Variants in PAWR observed in about 807,000 individuals in gnomAD.
PAWR encodes the protein pro-apoptotic WT1 regulator, also known as PRKC apoptosis WT1 regulator protein.
PAWR carries 23 observed loss-of-function variants against 32.0 expected under a neutral mutation model. That is an observed-to-expected ratio of 0.72 (90% confidence interval 0.52 to 1.02). PAWR has a LOEUF of 1.02. Ranked by LOEUF, PAWR falls within the 50% of genes least tolerant of loss-of-function variation. The pLI is 0.00. For synonymous variants in PAWR, 226 were observed against 187.1 expected (o/e 1.21, Z -1.70); for missense variants, 457 against 437.7 (o/e 1.04, Z -0.39).
intron 2 of PAWR, among the ~76,000 whole-genome samples, chr12:79,652,926 C>T (rs988094683): frequency 6.6e-6 from 1 of 152,192 alleles, no homozygotes; most frequent in Non-Finnish European, 1.5e-5. Flanking sequence ...TATTTATGGT[C>T]ATAGCTTTAT....
intron 2 of PAWR, among the ~76,000 whole-genome samples, chr12:79,676,943 C>T (rs1878198993): frequency 6.6e-6 from 1 of 152,202 alleles, no homozygotes; most frequent in South Asian, 2.1e-4. Context: ...AATATCTGTA[C>T]TAAGAGTATG....
chr12:79,641,180 A>G (rs1465019405), intron 2 of PAWR, among the ~76,000 whole-genome samples: 1 of 152,230 alleles, frequency 6.6e-6, no homozygotes, highest in Non-Finnish European at 1.5e-5. Flanking sequence ...ATGTTTAAGA[A>G]AAAACACTAT....
At chr12:79,629,877 A>C (rs1875523570) in intron 2 of PAWR, among the ~76,000 whole-genome samples, 1 of 152,188 alleles carries the variant, frequency 6.6e-6, no homozygotes, top group Non-Finnish European at 1.5e-5. Flanking sequence ...TTAATTCACA[A>C]ATAATCACGT....
At position 79,598,568 on chromosome 12, in the gene PAWR, C is replaced by CATCTATGAATTTCTT; in HGVS notation, c.684-1925_684-1911dup. Among the ~76,000 whole-genome samples the CATCTATGAATTTCTT allele has an allele frequency of 2.6e-5, 4 of 152,272 alleles. 1 individual carries two copies. The highest frequency in any genetic ancestry group is 2.6e-4 in the Admixed American group (4 of 15,298). ...CTTCTCGTTTTAAAAATTGATTCCT[C>CATCTATGAATTTCTT]ATCTATGAATTTCTTACCTATGAAT... is the stretch of plus-strand genomic sequence containing the variant. On this transcript the variant is annotated intron_variant, in intron 4 of 6. Coordinates refer to ENST00000328827, the MANE Select transcript of PAWR (RefSeq NM_002583.4).
At chr12:79,624,611 A>G (rs1478726872) in intron 2 of PAWR, among the ~76,000 whole-genome samples, 1 of 152,164 alleles carries the variant, frequency 6.6e-6, no homozygotes, top group Non-Finnish European at 1.5e-5. Context: ...TCTGCTAGCA[A>G]CCAGTGCAGT....
At chr12:79,634,475 T>G (rs1327551295) in intron 2 of PAWR, among the ~76,000 whole-genome samples, 4 of 152,050 alleles carry the variant, frequency 2.6e-5, no homozygotes, top group Non-Finnish European at 5.9e-5. Context: ...GTACACACAA[T>G]GTACATTCAG....
intron 2 of PAWR, among the ~76,000 whole-genome samples, chr12:79,670,065 C>T (rs374486588): frequency 6.6e-6 from 1 of 151,970 alleles, no homozygotes; most frequent in Non-Finnish European, 1.5e-5. Context: ...TATGGGTATA[C>T]AAAATGCTAA....
Position 79,592,068 on chromosome 12 carries a change from T to C in PAWR, c.*539A>G, listed in dbSNP as rs540797955. ...AACATGACAGTGACTTTATAAGAGC[T>C]TTCCTTTTAAAAGGTTGCTGTTATA... On this transcript the variant is annotated 3_prime_UTR_variant, in exon 7 of 7. Coordinates refer to ENST00000328827, the MANE Select transcript of PAWR (RefSeq NM_002583.4). 8.5e-5 allele frequency: 13 copies of C among 152,758 alleles called. No homozygotes were observed. The highest frequency in any genetic ancestry group is 3.1e-4 in the African/African-American group (13 of 41,592). The allele number at this position is 152,758 out of a possible 1,614,324, so 9.5% of individuals were successfully genotyped here.
chr12:79,616,463 G>A (rs1051937152), intron 3 of PAWR, among the ~76,000 whole-genome samples: 8 of 152,088 alleles, frequency 5.3e-5, no homozygotes, highest in Admixed American at 1.3e-4. Flanking sequence ...CTATTTCTGA[G>A]GCTTGAAATA....
At position 79,591,298 on chromosome 12, in the gene PAWR, G is replaced by C. The variant is rs1461494962; in HGVS notation, c.*1309C>G. On this transcript the variant is annotated 3_prime_UTR_variant, in exon 7 of 7. Coordinates refer to ENST00000328827, the MANE Select transcript of PAWR (RefSeq NM_002583.4). ...TCACCTTCTCTATTTTTCTAACAGT[G>C]AACAATAAAAGGGCTTGGCAAGTGA... is the stretch of plus-strand genomic sequence containing the variant. 3 of 152,068 alleles carry C rather than the reference G, an allele frequency of 2.0e-5. No homozygotes were observed. Among genetic ancestry groups the C allele is most frequent in the African/African-American group, 7.2e-5 (3 of 41,396 alleles). 9.4% of individuals were successfully genotyped at this position (152,068 alleles called of 1,614,324 possible). A position where few individuals can be genotyped will look rare whatever the true frequency, so the allele number is the denominator to read the frequency against.
chr12:79,649,380 C>A (rs2049590), intron 2 of PAWR, among the ~76,000 whole-genome samples: 34,870 of 151,764 alleles, frequency 0.23, 10,802 homozygotes, highest in African/African-American at 0.71. Context: ...CCATAGGTCA[C>A]TAGATACAAA....
At position 79,670,099 on chromosome 12, in the gene PAWR, G is replaced by GA. The variant is rs1382775700; in HGVS notation, c.516+19629dup. ...AAAAATAGGTGGATGTTTGAAACAG[G>GA]AAAAAAAATTAAGTTGTTAATCACA... On this transcript the variant is annotated intron_variant, in intron 2 of 6. Coordinates refer to ENST00000328827, the MANE Select transcript of PAWR (RefSeq NM_002583.4). Among the ~76,000 whole-genome samples the GA allele has an allele frequency of 2.0e-5, 3 of 151,994 alleles. No homozygotes were observed. The South Asian group carries it at 6.2e-4, about 32-fold the overall frequency.
intron 4 of PAWR, 70 bp from the exon 5 acceptor site, chr12:79,596,728 T>C (rs1873768661): frequency 1.9e-6 from 2 of 1,028,572 alleles, no homozygotes; most frequent in African/African-American, 1.6e-5. Flanking sequence ...ATATTTTCTA[T>C]TGAGCTTAAA....
At chr12:79,663,575 T>C (rs1877450906) in intron 2 of PAWR, among the ~76,000 whole-genome samples, 1 of 152,084 alleles carries the variant, frequency 6.6e-6, no homozygotes, top group Admixed American at 6.6e-5. Flanking sequence ...CTGGGCAACA[T>C]GGCAAAACCC....
chr12:79,633,129 A>G (rs911733801), intron 2 of PAWR, among the ~76,000 whole-genome samples: 1 of 151,970 alleles, frequency 6.6e-6, no homozygotes, highest in Non-Finnish European at 1.5e-5. Flanking sequence ...TGTCTCAAAA[A>G]CAAACAAACA....
intron 2 of PAWR, among the ~76,000 whole-genome samples, chr12:79,630,421 TC>T (rs955008992): frequency 2.2e-4 from 34 of 152,162 alleles, no homozygotes; most frequent in Admixed American, 1.3e-4. Flanking sequence ...TGCCTCAGCC[TC>T]CCAAATAGCT....
intron 2 of PAWR, among the ~76,000 whole-genome samples, chr12:79,637,722 T>TCA (rs932351910): frequency 6.6e-6 from 1 of 151,802 alleles, no homozygotes; most frequent in East Asian, 1.9e-4. Flanking sequence ...ACACCAACAC[T>TCA]CACACACATA....
At chr12:79,654,291 G>A (rs149914980) in intron 2 of PAWR, among the ~76,000 whole-genome samples, 1 of 152,244 alleles carries the variant, frequency 6.6e-6, no homozygotes, top group African/African-American at 2.4e-5. Context: ...CAATCTAATG[G>A]TTATAGTGAC....
chr12:79,593,701 G>GTT (rs537217082), intron 6 of PAWR, among the ~76,000 whole-genome samples: 49 of 126,794 alleles, frequency 3.9e-4, no homozygotes, highest in African/African-American at 4.7e-4. Flanking sequence ...CAATTTTAGG[G>GTT]TTTTTTTTTT....
Sources: allele counts gnomAD v4.1 joint callset (sites outside exome capture counted in the v4.1 genomes callset), GRCh38; gene constraint gnomAD v4.1.1; transcripts MANE v1.5; gene names NCBI Gene and HGNC (gene_info 2026-07-23, HGNC 2026-07-21).